Variants in NSD3 observed in about 807,000 individuals in gnomAD.
NSD3 encodes histone-lysine N-methyltransferase NSD3.
A neutral mutation model predicts 160.8 loss-of-function variants in NSD3; 24 were observed. The ratio of observed to expected loss-of-function variants is 0.15; its 90% CI spans 0.11 to 0.21. The LOEUF (loss-of-function observed/expected upper bound fraction) is 0.21, where lower values mean the gene tolerates loss of function less well. Ranked by LOEUF, NSD3 falls within the 10% of genes least tolerant of loss-of-function variation. NSD3 has a pLI of 1.00. For missense variants in NSD3, 1,157 were observed against 1,735.9 expected (o/e 0.67, Z 5.93); for synonymous variants, 520 against 600.0 (o/e 0.87, Z 1.95).
At chr8:38,350,526 T>C (rs1044234787) in intron 1 of NSD3, among the ~76,000 whole-genome samples, 2 of 152,178 alleles carry the variant, frequency 1.3e-5, no homozygotes, top group Admixed American at 6.6e-5. Context: ...CACTTTTTGA[T>C]GGGGTTGTTT....
chr8:38,370,823 T>C (rs1345538060), intron 1 of NSD3, among the ~76,000 whole-genome samples: 1 of 152,146 alleles, frequency 6.6e-6, no homozygotes, highest in Non-Finnish European at 1.5e-5. Context: ...AATAAAACTA[T>C]TATTTTAAAA....
Position 38,331,634 on chromosome 8 carries a change from T to C in NSD3, c.911-49A>G, listed in dbSNP as rs368645984. On this transcript the variant is annotated intron_variant, in intron 4 of 23. Coordinates refer to ENST00000317025, the MANE Select transcript of NSD3 (RefSeq NM_023034.2). ...CCATTTCAGAACATAAGCATTCACATCTACTTTGCCAAAAATGGGAATCTA... is the reference window on the plus strand; with the variant it reads ...CCATTTCAGAACATAAGCATTCACACCTACTTTGCCAAAAATGGGAATCTA... 7 of 1,587,912 alleles carry C rather than the reference T, an allele frequency of 4.4e-6. No homozygotes were observed. In the African/African-American group the frequency reaches 8.1e-5, roughly 18 times the overall value.
rs543585574 is a variant in NSD3 at position 38,378,820 on chromosome 8, T to C, written c.-45+2979A>G. ...CCTAGACAACAGGAGTGAGACTCCA[T>C]CTCTCAAAAAAAAAAAAAAAAAAAG... On this transcript the variant is annotated intron_variant, in intron 1 of 23. Coordinates refer to ENST00000317025, the MANE Select transcript of NSD3 (RefSeq NM_023034.2). 3.5e-4 allele frequency among the ~76,000 whole-genome samples: 44 copies of C among 124,312 alleles called. No individual in the cohort carries two copies. In the East Asian group the frequency reaches 9.8e-3, roughly 28 times the overall value. 81.6% of individuals were successfully genotyped at this position (124,312 alleles called of 152,430 possible).
chr8:38,325,865 AAAG>A (rs1415723133), intron 7 of NSD3, among the ~76,000 whole-genome samples: 10 of 149,242 alleles, frequency 6.7e-5, no homozygotes, highest in Non-Finnish European at 1.3e-4. Context: ...TCAAAAAAAA[AAAG>A]GCCAGACGTG....
rs191429250 is a variant in NSD3 at position 38,314,629 on chromosome 8, C to T, written c.2242+18G>A. Reference sequence around the variant, plus strand: ...ATCCCATTCATCTTTTCATGACTATCGAAATAAGTCATCTTACCAGTTTTA... The same window carrying T: ...ATCCCATTCATCTTTTCATGACTATTGAAATAAGTCATCTTACCAGTTTTA... On this transcript the variant is annotated intron_variant, in intron 12 of 23. Coordinates refer to ENST00000317025, the MANE Select transcript of NSD3 (RefSeq NM_023034.2). 38 of 1,613,930 alleles carry T rather than the reference C, an allele frequency of 2.4e-5. No homozygotes were observed. The Admixed American group carries it at 2.7e-4, about 11-fold the overall frequency.
intron 19 of NSD3, among the ~76,000 whole-genome samples, chr8:38,287,100 A>T (rs1397541778): frequency 6.6e-6 from 1 of 152,270 alleles, no homozygotes; most frequent in Non-Finnish European, 1.5e-5. Context: ...GAAGCAGCTT[A>T]ATACACATGT....
intron 6 of NSD3, among the ~76,000 whole-genome samples, chr8:38,328,137 T>G (rs569000609): frequency 6.6e-6 from 1 of 152,162 alleles, no homozygotes; most frequent in South Asian, 2.1e-4. Context: ...AGTGAGCTAT[T>G]ATTGACCACT....
Position 38,329,491 on chromosome 8 carries a change from G to C in NSD3, c.1468C>G (p.Leu490Val). 1 of 1,614,192 alleles carries C rather than the reference G, an allele frequency of 6.2e-7. No homozygotes were observed. Among genetic ancestry groups the C allele is most frequent in the Non-Finnish European group, 8.5e-7 (1 of 1,180,044 alleles). Reference sequence around the variant, plus strand: ...GACATGTTACACTTCTGCAAATCCAGGCTCCCTTTGTGCATCGTAATGGAA... The same window carrying C: ...GACATGTTACACTTCTGCAAATCCACGCTCCCTTTGTGCATCGTAATGGAA... The part of the protein sequence containing the change: ...PASITMHKGS[L>V]DLQKCNMSPV... The change falls in exon 6 of 24, where the codon CTG becomes GTG. Residue 490 changes from leucine to valine, a missense_variant. Physicochemically the swap from Leu to Val is conservative, Grantham distance 32 (BLOSUM62 1). This residue lies in a region of NSD3 where 168 missense variants were observed against 208.1 expected (regional missense o/e 0.81). Coordinates refer to ENST00000317025, the MANE Select transcript of NSD3 (RefSeq NM_023034.2). The surrounding 1 kb of genome is among the most constrained non-coding windows in gnomAD (Gnocchi z 4.8).
At chr8:38,342,671 G>A (rs750624190) in intron 2 of NSD3, among the ~76,000 whole-genome samples, 25 of 151,532 alleles carry the variant, frequency 1.6e-4, no homozygotes, top group Admixed American at 1.1e-3. Context: ...AGGTTCAAGC[G>A]ATTCTCCTGC....
At chr8:38,284,669 G>A (rs1808816497) in intron 19 of NSD3, among the ~76,000 whole-genome samples, 1 of 152,176 alleles carries the variant, frequency 6.6e-6, no homozygotes, top group African/African-American at 2.4e-5. Context: ...TTACAGGTGT[G>A]AGCCACTGTG....
At position 38,347,939 on chromosome 8, in the gene NSD3, C is replaced by T. The variant is rs1423842093; in HGVS notation, c.233G>A (p.Ser78Asn). ...GTATTTGGTTTGAGTTTCATACACA[C>T]TGATTGATGATGGATACCCATTTGT... is the stretch of plus-strand genomic sequence containing the variant. ...PLTNGYPSSI[S>N]VYETQTKYQS... The change falls in exon 2 of 24, where the codon AGT (serine) becomes AAT (asparagine). Residue 78 changes from serine (S) to asparagine (N), a missense_variant. Around this residue, in one of 10 missense-constraint regions of NSD3, gnomAD observed 121 missense variants for 177.2 expected, o/e 0.68. Transcript: ENST00000317025. 6 of 1,614,204 alleles carry T rather than the reference C, an allele frequency of 3.7e-6. No individual in the cohort carries two copies. Among genetic ancestry groups the T allele is most frequent in the East Asian group, 4.5e-5 (2 of 44,888 alleles).
At chr8:38,285,728 G>T (rs1180701343) in intron 19 of NSD3, among the ~76,000 whole-genome samples, 1 of 152,180 alleles carries the variant, frequency 6.6e-6, no homozygotes, top group African/African-American at 2.4e-5. Context: ...AAAACATTTT[G>T]CATTATACAA....
intron 4 of NSD3, among the ~76,000 whole-genome samples, chr8:38,332,987 C>G (rs1406110601): frequency 1.3e-5 from 2 of 151,980 alleles, no homozygotes; most frequent in Non-Finnish European, 2.9e-5. Context: ...AATAAAGACC[C>G]AAGCACAAAT....
At chr8:38,378,699 T>C (rs866995898) in intron 1 of NSD3, among the ~76,000 whole-genome samples, 1 of 151,780 alleles carries the variant, frequency 6.6e-6, no homozygotes, top group South Asian at 2.1e-4. Flanking sequence ...GGCGTGTGCC[T>C]GTAATCCCAG....
At chr8:38,346,795 T>C (rs1023253997) in intron 2 of NSD3, among the ~76,000 whole-genome samples, 3 of 152,142 alleles carry the variant, frequency 2.0e-5, no homozygotes, top group Admixed American at 6.5e-5. Flanking sequence ...ATAACACATA[T>C]AAAAGCAGAT....
intron 4 of NSD3, chr8:38,336,186 G>A (rs959706084): frequency 5.3e-5 from 8 of 152,158 alleles, no homozygotes; most frequent in African/African-American, 1.9e-4. Flanking sequence ...AAAGAAACAG[G>A]TACAAACTTG....
In NSD3 at chr8:38,270,591, CAAG is replaced by C. The variant is rs1280433826; in HGVS notation, c.*5047_*5049del. The C allele has an allele frequency of 6.6e-6, 1 of 152,136 alleles. No individual in the cohort carries two copies. Among genetic ancestry groups the C allele is most frequent in the African/African-American group, 2.4e-5 (1 of 41,414 alleles). The allele number at this position is 152,136 out of a possible 1,614,324, so 9.4% of individuals were successfully genotyped here. Reference sequence around the variant, plus strand: ...TTTATCCAGTCCATTTCTAAACTGACAAGAATACCTTATTCAATACCTTATATA... The same window carrying C: ...TTTATCCAGTCCATTTCTAAACTGACAATACCTTATTCAATACCTTATATA... On this transcript the variant is annotated 3_prime_UTR_variant, in exon 24 of 24. Coordinates refer to ENST00000317025, the MANE Select transcript of NSD3 (RefSeq NM_023034.2).
At chr8:38,352,174 A>G (rs1810719693) in intron 1 of NSD3, among the ~76,000 whole-genome samples, 1 of 152,184 alleles carries the variant, frequency 6.6e-6, no homozygotes, top group Admixed American at 6.5e-5. Flanking sequence ...TAATAAAACA[A>G]ATAACCCCAA....
rs141972215 is a variant in NSD3, at chr8:38,356,835, T to C, written c.-44-8620A>G. Among the ~76,000 whole-genome samples, 320 of 152,118 alleles carry C rather than the reference T, an allele frequency of 2.1e-3. 2 individuals carry two copies. Among genetic ancestry groups the C allele is most frequent in the African/African-American group, 7.3e-3 (302 of 41,528 alleles). Reference sequence around the variant, plus strand: ...TATTTAATTATACTTAAAAATTCCTTAGGCTGGGAGCAGTGGCTTATGCTT... The same window carrying C: ...TATTTAATTATACTTAAAAATTCCTCAGGCTGGGAGCAGTGGCTTATGCTT... On this transcript the variant is annotated intron_variant, in intron 1 of 23. Coordinates refer to ENST00000317025, the MANE Select transcript of NSD3 (RefSeq NM_023034.2).
Sources: allele counts gnomAD v4.1 joint callset (sites outside exome capture counted in the v4.1 genomes callset), GRCh38; gene constraint gnomAD v4.1.1; regional missense constraint gnomAD v4.1.1; non-coding constraint Gnocchi (gnomAD v3.1); transcripts MANE v1.5; gene names NCBI Gene and HGNC (gene_info 2026-07-23, HGNC 2026-07-21).